Variants in SPATA16 observed in about 807,000 individuals in gnomAD.
SPATA16 encodes spermatogenesis associated 16, also known as spermatogenesis-associated protein 16.
In SPATA16, 36 loss-of-function variants were observed where a neutral mutation model predicts 63.3. The observed-to-expected ratio is 0.57, with a 90% CI of 0.44 to 0.75. The LOEUF (loss-of-function observed/expected upper bound fraction) is 0.75, where lower values mean the gene tolerates loss of function less well. Among genes scored for constraint, SPATA16 ranks in the 30% least tolerant of loss-of-function variants. The probability of loss-of-function intolerance (pLI) is 0.00; values close to 1 mark genes in which losing one functional copy is unlikely to be tolerated. For missense variants in SPATA16, 646 were observed against 679.3 expected, an observed-to-expected ratio of 0.95 and a Z score of 0.54; for synonymous variants, 203 against 216.7, an observed-to-expected ratio of 0.94 and a Z score of 0.56.
chr3:173,087,534 T>A (rs1263733559), intron 2 of SPATA16, among the ~76,000 whole-genome samples: 3 of 152,210 alleles, frequency 2.0e-5, no homozygotes, highest in Non-Finnish European at 4.4e-5. Context: ...TTAAGGTTAA[T>A]ATTGCTATGT....
chr3:173,117,628 G>T lies in SPATA16; in HGVS notation c.104C>A (p.Ala35Glu), dbSNP rs200483368. 1 of 1,613,948 alleles carries T rather than the reference G, an allele frequency of 6.2e-7. No individual in the cohort carries two copies. The highest frequency in any genetic ancestry group is 8.5e-7 in the Non-Finnish European group (1 of 1,179,958). The change falls in exon 2 of 11, where the codon GCG becomes GAG. Residue 35 changes from alanine (A) to glutamate (E), a missense_variant. Physicochemically the swap from Ala to Glu is moderately radical, Grantham distance 107. Transcript: ENST00000351008. ...INTSKKMSTL[A>E]HPPNILEMSQ... ...CATTTCCAGGATGTTAGGTGGGTGCGCTAAGGTGGACATTTTCTTGCTTGT... is the reference window on the plus strand; with the variant it reads ...CATTTCCAGGATGTTAGGTGGGTGCTCTAAGGTGGACATTTTCTTGCTTGT...
chr3:173,053,926 A>G (rs1736156226), intron 2 of SPATA16, among the ~76,000 whole-genome samples: 3 of 152,142 alleles, frequency 2.0e-5, no homozygotes, highest in Admixed American at 2.0e-4. Flanking sequence ...TATAATTGCC[A>G]TTAACTTTTG....
At chr3:172,913,796 T>G (rs1732423099) in intron 9 of SPATA16, 52 bp from the exon 10 acceptor site, 1 of 1,470,818 alleles carries the variant, frequency 6.8e-7, no homozygotes, top group Non-Finnish European at 9.5e-7. Flanking sequence ...AGAAATAACT[T>G]CTCTAAATAC....
At chr3:172,913,590 A>G (rs544062055) in intron 10 of SPATA16, 71 bp downstream of exon 10, 4 of 1,481,800 alleles carry the variant, frequency 2.7e-6, no homozygotes, top group Middle Eastern at 1.8e-4. Flanking sequence ...TTATCCTCCA[A>G]ACAGATTTGA....
intron 4 of SPATA16, among the ~76,000 whole-genome samples, chr3:172,989,270 A>G (rs1367564809): frequency 6.6e-6 from 1 of 152,178 alleles, no homozygotes; most frequent in Non-Finnish European, 1.5e-5. Flanking sequence ...ATAAGTAGGT[A>G]ATTTCAGGGA....
chr3:173,075,480 T>C (rs996709651), intron 2 of SPATA16, among the ~76,000 whole-genome samples: 3 of 152,220 alleles, frequency 2.0e-5, no homozygotes, highest in Non-Finnish European at 4.4e-5. Context: ...TACTTCCATG[T>C]TTATTATAGC....
chr3:173,096,106 T>C (rs186864787), intron 2 of SPATA16, among the ~76,000 whole-genome samples: 1 of 152,218 alleles, frequency 6.6e-6, no homozygotes, highest in Admixed American at 6.5e-5. Context: ...ACTAAAAATA[T>C]TTTTTAATAA....
At chr3:173,127,437 A>G (rs946217720) in intron 1 of SPATA16, among the ~76,000 whole-genome samples, 1 of 152,172 alleles carries the variant, frequency 6.6e-6, no homozygotes, top group South Asian at 2.1e-4. Context: ...TTGTCTCAAT[A>G]ATGTCCTCTT....
At chr3:173,027,236 T>C (rs1735472422) in intron 3 of SPATA16, among the ~76,000 whole-genome samples, 1 of 151,982 alleles carries the variant, frequency 6.6e-6, no homozygotes, top group Admixed American at 6.6e-5. Flanking sequence ...TATAGAAACA[T>C]AATTGATTTT....
intron 2 of SPATA16, among the ~76,000 whole-genome samples, chr3:173,074,179 G>T (rs1736735000): frequency 6.6e-6 from 1 of 152,198 alleles, no homozygotes; most frequent in Admixed American, 6.5e-5. Context: ...GAAGGGGCTT[G>T]CCTTGTCTCA....
At chr3:172,920,765 ATTGT>A (rs892616080) in intron 8 of SPATA16, among the ~76,000 whole-genome samples, 2 of 152,204 alleles carry the variant, frequency 1.3e-5, no homozygotes, top group Non-Finnish European at 2.9e-5. Context: ...AATTCTTGGC[ATTGT>A]TTAAGTATTG....
At chr3:173,012,284 A>C (rs921657708) in intron 4 of SPATA16, among the ~76,000 whole-genome samples, 1 of 152,250 alleles carries the variant, frequency 6.6e-6, no homozygotes, top group Admixed American at 6.5e-5. Flanking sequence ...TAGATGGCAC[A>C]AATAAATGGA....
chr3:172,920,789 C>A (rs1227820578), intron 8 of SPATA16, among the ~76,000 whole-genome samples: 1 of 152,082 alleles, frequency 6.6e-6, no homozygotes, highest in Non-Finnish European at 1.5e-5. Context: ...GTTTAGAAAT[C>A]TACATATTTA....
At chr3:173,130,708 C>A (rs1738358465) in intron 1 of SPATA16, among the ~76,000 whole-genome samples, 1 of 152,192 alleles carries the variant, frequency 6.6e-6, no homozygotes. Flanking sequence ...AAAAGTAGGG[C>A]TCACCTAGTT....
chr3:172,910,092 CTT>C (rs35827342), intron 10 of SPATA16, among the ~76,000 whole-genome samples: 52 of 127,092 alleles, frequency 4.1e-4, no homozygotes, highest in Admixed American at 7.3e-4. Context: ...ACAGCAAATG[CTT>C]TTTTTTTTTT....
chr3:173,028,019 C>CTCCT (rs1735501505), intron 3 of SPATA16, among the ~76,000 whole-genome samples: 1 of 62,940 alleles, frequency 1.6e-5, no homozygotes. Context: ...CCCTCCCTTC[C>CTCCT]TTCTTTCCTT....
intron 2 of SPATA16, among the ~76,000 whole-genome samples, chr3:173,072,215 G>A (rs183679287): frequency 3.6e-4 from 55 of 152,264 alleles, no homozygotes; most frequent in Admixed American, 1.5e-3. Flanking sequence ...CATGTATGTC[G>A]TGGAATATAA....
intron 10 of SPATA16, among the ~76,000 whole-genome samples, chr3:172,905,246 A>G (rs759851912): frequency 4.6e-5 from 7 of 152,146 alleles, no homozygotes; most frequent in Admixed American, 2.6e-4. Flanking sequence ...AGACTCCTTA[A>G]AGAACAAGAC....
intron 4 of SPATA16, among the ~76,000 whole-genome samples, chr3:173,014,681 A>T (rs900869868): frequency 6.6e-6 from 1 of 152,252 alleles, no homozygotes; most frequent in Non-Finnish European, 1.5e-5. Flanking sequence ...AAATCTGCAA[A>T]GTTGAACCTA....
Sources: gnomAD v4.1 joint callset for allele counts (sites outside exome capture counted in the v4.1 genomes callset) on GRCh38, gnomAD v4.1.1 for gene constraint, MANE v1.5 for transcripts, NCBI Gene and HGNC (gene_info 2026-07-23, HGNC 2026-07-21) for gene names.